Variants in CHRM3 observed in about 807,000 individuals in gnomAD.
CHRM3 encodes the protein cholinergic receptor muscarinic 3, also known as muscarinic acetylcholine receptor M3.
Under a neutral mutation model 41.8 loss-of-function variants are expected in CHRM3, and 11 were observed. The ratio of observed to expected loss-of-function variants is 0.26; its 90% CI spans 0.17 to 0.44. CHRM3 has a LOEUF of 0.44. Ranked by LOEUF, CHRM3 falls within the 20% of genes least tolerant of loss-of-function variation. CHRM3 has a pLI of 1.00. For missense variants in CHRM3, 571 were observed against 745.4 expected (o/e 0.77, Z 2.72); for synonymous variants, 297 against 301.4 (o/e 0.99, Z 0.15).
At chr1:239,595,155 A>G (rs1664646046) in intron 3 of CHRM3, among the ~76,000 whole-genome samples, 1 of 152,360 alleles carries the variant, frequency 6.6e-6, no homozygotes, top group Non-Finnish European at 1.5e-5. Context: ...ATGGACTTTT[A>G]TTCCCTAAAC....
chr1:239,425,234 C>G (rs1322257555), intron 1 of CHRM3, among the ~76,000 whole-genome samples: 1 of 152,148 alleles, frequency 6.6e-6, no homozygotes, highest in Non-Finnish European at 1.5e-5. Flanking sequence ...AACCCAATAC[C>G]TATGCTCATT....
chr1:239,668,674 C>T (rs1674064208), intron 4 of CHRM3, among the ~76,000 whole-genome samples: 1 of 152,164 alleles, frequency 6.6e-6, no homozygotes, highest in African/African-American at 2.4e-5. Flanking sequence ...TGATGCTTTA[C>T]CATTCTAGGT....
Position 239,656,907 on chromosome 1 carries a change from G to A in CHRM3, c.-249-21279G>A, listed in dbSNP as rs73124679. Among the ~76,000 whole-genome samples the A allele has an allele frequency of 7.7e-3, 1,175 of 152,200 alleles. 16 individuals are homozygous for A. The highest frequency in any genetic ancestry group is 0.027 in the African/African-American group (1,111 of 41,544). On this transcript the variant is annotated intron_variant, in intron 4 of 6. Transcript: ENST00000676153. ...AGAGTTCTTTTCTTCTATACCAATGGTTCTCAAAAATTTGGACTTCAAAAT... is the reference window on the plus strand; with the variant it reads ...AGAGTTCTTTTCTTCTATACCAATGATTCTCAAAAATTTGGACTTCAAAAT...
chr1:239,778,789 G>A (rs1308707041), intron 5 of CHRM3, among the ~76,000 whole-genome samples: 2 of 152,278 alleles, frequency 1.3e-5, no homozygotes, highest in East Asian at 1.9e-4. Context: ...TCTCTTTGGA[G>A]CCACGATTAC....
At chr1:239,569,378 C>T (rs897324446) in intron 3 of CHRM3, among the ~76,000 whole-genome samples, 1 of 152,064 alleles carries the variant, frequency 6.6e-6, no homozygotes, top group Non-Finnish European at 1.5e-5. Context: ...AAATCAGGCC[C>T]CATCAACTCA....
chr1:239,620,104 T>C lies in CHRM3; in HGVS notation c.-312-12120T>C, dbSNP rs556040473. On this transcript the variant is annotated intron_variant, in intron 3 of 6. Transcript: ENST00000676153. ...GGTGAGTTAGACATTTTTAAAATTA[T>C]AGTTTTGTGGGAAAAATAACAGCAT... Among the ~76,000 whole-genome samples the C allele has an allele frequency of 2.0e-5, 3 of 152,352 alleles. No individual in the cohort carries two copies. In the East Asian group the frequency reaches 5.8e-4, roughly 29 times the overall value.
At chr1:239,602,110 G>GTGTGTGTGTATATATATATATA (rs1307023039) in intron 3 of CHRM3, among the ~76,000 whole-genome samples, 1 of 112,844 alleles carries the variant, frequency 8.9e-6, no homozygotes, top group African/African-American at 3.4e-5. Flanking sequence ...GTGTGTGTGT[G>GTGTGTGTGTATATATATATATA]TATATATATA....
chr1:239,807,651 G>A (rs1319660476), intron 5 of CHRM3, among the ~76,000 whole-genome samples: 2 of 152,200 alleles, frequency 1.3e-5, no homozygotes, highest in Admixed American at 1.3e-4. Flanking sequence ...TAAGTGAAAT[G>A]TTTCTGGCTT....
chr1:239,829,925 AT>A (rs1672765389), intron 6 of CHRM3, among the ~76,000 whole-genome samples: 1 of 152,034 alleles, frequency 6.6e-6, no homozygotes, highest in African/African-American at 2.4e-5. Context: ...TATAATTACT[AT>A]TTTTGTCTCT....
intron 5 of CHRM3, chr1:239,719,208 A>G (rs1256144655): frequency 6.6e-6 from 1 of 152,004 alleles, no homozygotes; most frequent in African/African-American, 2.4e-5. Flanking sequence ...AATCAGATCT[A>G]CTGGTTTGCT....
chr1:239,405,717 T>C (rs980037360), intron 1 of CHRM3, among the ~76,000 whole-genome samples: 1 of 152,208 alleles, frequency 6.6e-6, no homozygotes, highest in Non-Finnish European at 1.5e-5. Context: ...TTTTTAAAGG[T>C]TCAAAATGCA....
At chr1:239,403,525 G>A (rs1205398699) in intron 1 of CHRM3, among the ~76,000 whole-genome samples, 1 of 152,118 alleles carries the variant, frequency 6.6e-6, no homozygotes, top group Non-Finnish European at 1.5e-5. Flanking sequence ...CCCTTGCCTG[G>A]AGCATTGTTT....
chr1:239,593,810 T>C (rs1200523514), intron 3 of CHRM3, among the ~76,000 whole-genome samples: 1 of 152,170 alleles, frequency 6.6e-6, no homozygotes, highest in Admixed American at 6.6e-5. Flanking sequence ...CCTATAACCC[T>C]TACTCAAAAT....
chr1:239,671,472 C>T (rs539848906), intron 4 of CHRM3, among the ~76,000 whole-genome samples: 24 of 152,176 alleles, frequency 1.6e-4, no homozygotes, highest in African/African-American at 5.8e-4. Flanking sequence ...ACTGGGGAGG[C>T]TGAGGTTGGA....
intron 4 of CHRM3, among the ~76,000 whole-genome samples, chr1:239,665,825 TG>T (rs1451178462): frequency 1.3e-5 from 2 of 152,180 alleles, no homozygotes; most frequent in Non-Finnish European, 2.9e-5. Context: ...GCTTCATCCA[TG>T]TCCCTGCAAA....
intron 2 of CHRM3, among the ~76,000 whole-genome samples, chr1:239,526,787 G>A (rs529667048): frequency 2.6e-5 from 4 of 152,146 alleles, no homozygotes; most frequent in East Asian, 1.9e-4. Flanking sequence ...TAATAATGAC[G>A]AGAATAATTA....
At chr1:239,892,144 T>C (rs1678605390) in intron 6 of CHRM3, among the ~76,000 whole-genome samples, 1 of 152,244 alleles carries the variant, frequency 6.6e-6, no homozygotes, top group African/African-American at 2.4e-5. Flanking sequence ...GGTTCAACTT[T>C]ATTCCTTTGG....
At chr1:239,496,911 C>T (rs760186522) in intron 2 of CHRM3, among the ~76,000 whole-genome samples, 8 of 151,976 alleles carry the variant, frequency 5.3e-5, no homozygotes, top group South Asian at 2.1e-4. Context: ...CATACACAGA[C>T]GCTAAACTAG....
chr1:239,785,719 G>T (rs1668838203), intron 5 of CHRM3, among the ~76,000 whole-genome samples: 2 of 152,022 alleles, frequency 1.3e-5, no homozygotes, highest in Non-Finnish European at 2.9e-5. Flanking sequence ...TATCAGCTGG[G>T]ATTGACAAGG....
Sources: allele counts gnomAD v4.1 joint callset (sites outside exome capture counted in the v4.1 genomes callset), GRCh38; gene constraint gnomAD v4.1.1; transcripts MANE v1.5; gene names NCBI Gene and HGNC (gene_info 2026-07-23, HGNC 2026-07-21).